RNF216: variants seen among roughly 807,000 people sequenced by gnomAD.
RNF216 encodes the protein E3 ubiquitin-protein ligase RNF216.
A neutral mutation model predicts 110.8 loss-of-function variants in RNF216; 72 were observed. That is an observed-to-expected ratio of 0.65 (90% CI 0.54 to 0.79). RNF216 has a LOEUF of 0.79. Among genes scored for constraint, RNF216 ranks in the 30% least tolerant of loss-of-function variants. The pLI is 0.00. For synonymous variants in RNF216, 495 were observed against 407.5 expected (o/e 1.21, Z -2.59); for missense variants, 1,342 against 1,141.2 (o/e 1.18, Z -2.54).
chr7:5,714,593 C>T (rs891572201), intron 11 of RNF216, among the ~76,000 whole-genome samples: 6 of 152,152 alleles, frequency 3.9e-5, no homozygotes, highest in Admixed American at 3.3e-4. Context: ...TTTTCTATTG[C>T]TGCTGGAACA....
intron 1 of RNF216, among the ~76,000 whole-genome samples, chr7:5,773,590 C>T (rs1381127057): frequency 1.3e-5 from 2 of 151,938 alleles, no homozygotes; most frequent in Non-Finnish European, 2.9e-5. Flanking sequence ...AATTTTGAGA[C>T]GGAATCTTGC....
chr7:5,734,770 G>A (rs1034492928), intron 5 of RNF216, among the ~76,000 whole-genome samples: 21 of 151,288 alleles, frequency 1.4e-4, no homozygotes, highest in African/African-American at 5.1e-4. Context: ...GTTGCAGTGA[G>A]CTGAAATCAT....
intron 1 of RNF216, among the ~76,000 whole-genome samples, chr7:5,771,713 CTT>C (rs1438978904): frequency 1.3e-5 from 2 of 152,098 alleles, no homozygotes; most frequent in East Asian, 3.8e-4. Flanking sequence ...GGGAAGATCT[CTT>C]GAGCTCGAGA....
chr7:5,627,408 G>T (rs116087055), intron 15 of RNF216, among the ~76,000 whole-genome samples: 2,278 of 152,170 alleles, frequency 0.015, 48 homozygotes, highest in African/African-American at 0.051. Context: ...ACGTTCCAAC[G>T]GGCACCTCTC....
rs1786613475 is a variant in RNF216, at chr7:5,624,899, G to C, written c.2383-774C>G. 6.6e-6 allele frequency among the ~76,000 whole-genome samples: 1 copy of C among 152,220 alleles called. No homozygotes were observed. Among genetic ancestry groups the C allele is most frequent in the African/African-American group, 2.4e-5 (1 of 41,468 alleles). On this transcript the variant is annotated intron_variant, in intron 15 of 16. Coordinates refer to ENST00000389902, the MANE Select transcript of RNF216 (RefSeq NM_207111.4). This position sits in a 1 kb window ranked among gnomAD's most constrained non-coding sequence, Gnocchi z 4.4. ...GCTCCCACACCCCCACCTGCCAGCA[G>C]ACACCATGGTGGGAGGACCGGGCTG...
At chr7:5,754,325 A>T (rs919929613) in intron 2 of RNF216, among the ~76,000 whole-genome samples, 4 of 150,952 alleles carry the variant, frequency 2.6e-5, no homozygotes, top group Non-Finnish European at 5.9e-5. Context: ...ACAGTTACTT[A>T]AAAAAAAAAT....
chr7:5,659,235 T>C (rs1788945188), intron 13 of RNF216, among the ~76,000 whole-genome samples: 1 of 152,222 alleles, frequency 6.6e-6, no homozygotes, highest in South Asian at 2.1e-4. Flanking sequence ...GTCATTTGTA[T>C]GAGACACCGG....
chr7:5,660,680 C>T (rs937453148), intron 13 of RNF216, among the ~76,000 whole-genome samples: 8 of 151,610 alleles, frequency 5.3e-5, no homozygotes, highest in Non-Finnish European at 7.4e-5. Flanking sequence ...CTGGCTCAAG[C>T]GATCCTCCCA....
chr7:5,675,762 C>T (rs1335416913), intron 13 of RNF216, among the ~76,000 whole-genome samples: 68 of 149,380 alleles, frequency 4.6e-4, no homozygotes, highest in African/African-American at 1.6e-3. Flanking sequence ...CAGGCTGTAA[C>T]GCAATGGTGC....
At chr7:5,749,519 T>C (rs1795225682) in intron 3 of RNF216, among the ~76,000 whole-genome samples, 1 of 152,214 alleles carries the variant, frequency 6.6e-6, no homozygotes, top group African/African-American at 2.4e-5. Context: ...TTGGTATAAA[T>C]GCTATCAGTC....
intron 13 of RNF216, among the ~76,000 whole-genome samples, chr7:5,671,262 T>C (rs1247858690): frequency 6.6e-6 from 1 of 152,162 alleles, no homozygotes; most frequent in East Asian, 1.9e-4. Context: ...CTTTGGCTCA[T>C]CTCTAAGCCC....
intron 5 of RNF216, among the ~76,000 whole-genome samples, chr7:5,736,093 A>C (rs568028996): frequency 5.7e-5 from 8 of 140,228 alleles, no homozygotes; most frequent in African/African-American, 1.8e-4. Context: ...ACTCCGTCTC[A>C]AAAATAAATA....
At chr7:5,681,406 G>T (rs1790641545) in intron 13 of RNF216, among the ~76,000 whole-genome samples, 1 of 152,172 alleles carries the variant, frequency 6.6e-6, no homozygotes, top group Admixed American at 6.5e-5. Flanking sequence ...TAGCTACACA[G>T]AAACAACTGT....
At chr7:5,683,392 C>T (rs1025140303) in intron 13 of RNF216, among the ~76,000 whole-genome samples, 1 of 152,118 alleles carries the variant, frequency 6.6e-6, no homozygotes, top group Non-Finnish European at 1.5e-5. Context: ...GCTTCCAACT[C>T]TATTTTCCTG....
chr7:5,638,086 GACCCAGACGTCTGGATGCTCC>G (rs1221601442), intron 15 of RNF216, among the ~76,000 whole-genome samples: 1 of 152,130 alleles, frequency 6.6e-6, no homozygotes, highest in African/African-American at 2.4e-5. Flanking sequence ...CTGCCTCCTA[GACCCAGACGTCTGGATGCTCC>G]ATCCAGACAT....
chr7:5,752,917 G>C lies in RNF216; in HGVS notation c.130C>G (p.Pro44Ala), dbSNP rs1795408023. ...ISDSSDEERI[P>A]MLVTPAPQQH... ...TGAGGAGCTGGGGTGACCAGCATTG[G>C]AATCCTTTCCTCATCTGAGGAGTCA... The change falls in exon 3 of 17, where the codon CCA (proline) becomes GCA (alanine). Residue 44 changes from proline to alanine, a missense_variant. Pro to Ala is a conservative substitution (Grantham distance 27). Coordinates refer to ENST00000389902, the MANE Select transcript of RNF216 (RefSeq NM_207111.4). 1 of 1,611,774 alleles carries C rather than the reference G, an allele frequency of 6.2e-7. No homozygotes were observed. Among genetic ancestry groups the C allele is most frequent in the African/African-American group, 1.3e-5 (1 of 74,832 alleles).
At chr7:5,630,291 G>C (rs1278143438) in intron 15 of RNF216, among the ~76,000 whole-genome samples, 1 of 152,108 alleles carries the variant, frequency 6.6e-6, no homozygotes, top group Non-Finnish European at 1.5e-5. Flanking sequence ...TCCAGACCTG[G>C]CTTGAGTGCA....
intron 13 of RNF216, among the ~76,000 whole-genome samples, chr7:5,673,076 T>C (rs372140840): frequency 5.9e-5 from 9 of 152,224 alleles, no homozygotes; most frequent in South Asian, 2.1e-4. Flanking sequence ...TGGGGGCCTA[T>C]GTGCACGGTG....
At chr7:5,724,484 A>T (rs1377183850) in intron 8 of RNF216, among the ~76,000 whole-genome samples, 1 of 152,188 alleles carries the variant, frequency 6.6e-6, no homozygotes, top group Non-Finnish European at 1.5e-5. Context: ...AATTTGGCTG[A>T]ATGAAAAACC....
Sources: gnomAD v4.1 joint callset for allele counts (sites outside exome capture counted in the v4.1 genomes callset) on GRCh38, gnomAD v4.1.1 for gene constraint, Gnocchi (gnomAD v3.1) non-coding constraint, MANE v1.5 for transcripts, NCBI Gene and HGNC (gene_info 2026-07-23, HGNC 2026-07-21) for gene names.